Variants in TMEM54 observed in about 807,000 individuals in gnomAD.
TMEM54 encodes beta-casein-like protein.
A neutral mutation model predicts 21.3 loss-of-function variants in TMEM54; 21 were observed. That is an observed-to-expected ratio of 0.99 (90% CI 0.70 to 1.42). TMEM54 has a LOEUF of 1.42. Among genes scored for constraint, TMEM54 ranks in the 40% most tolerant of loss-of-function variants. The pLI is 0.00. For synonymous variants in TMEM54, 109 were observed against 125.0 expected, an observed-to-expected ratio of 0.87 and a Z score of 0.86; for missense variants, 246 against 294.0, an observed-to-expected ratio of 0.84 and a Z score of 1.19.
chr1:32,898,538 G>A, intron 1 of TMEM54: 1 of 496,566 alleles, frequency 2.0e-6, no homozygotes, highest in Admixed American at 3.2e-5. Flanking sequence ...GGCTGGACAA[G>A]CACACAGGTA....
rs576190307 is a variant in TMEM54, at chr1:32,897,800, T to G, written c.210+326A>C. On this transcript the variant is annotated intron_variant, in intron 2 of 5. Transcript: ENST00000373463. This position sits in a 1 kb window ranked among gnomAD's most constrained non-coding sequence, Gnocchi z 4.9. The stretch of plus-strand genomic sequence containing the variant: ...CCTCCTGCTCCTTTCTTCTGTCCAG[T>G]GGTGCTGTGGCTATTCCTCGATGTA... 4.4e-6 allele frequency: 1 copy of G among 225,428 alleles called. No homozygotes were observed. The highest frequency in any genetic ancestry group is 9.1e-5 in the East Asian group (1 of 10,962). 14.0% of individuals were successfully genotyped at this position (225,428 alleles called of 1,614,324 possible).
At chr1:32,900,635 C>G (rs371819335) in intron 1 of TMEM54, among the ~76,000 whole-genome samples, 24 of 152,348 alleles carry the variant, frequency 1.6e-4, no homozygotes, top group African/African-American at 5.3e-4. Flanking sequence ...TACTGTCCCC[C>G]TCTTACAGAC....
chr1:32,900,556 G>C (rs375324617), intron 1 of TMEM54, among the ~76,000 whole-genome samples: 3 of 152,172 alleles, frequency 2.0e-5, no homozygotes, highest in African/African-American at 4.8e-5. Flanking sequence ...CAGCGCAGCC[G>C]GCAAGGTGCT....
intron 5 of TMEM54, 98 bp from the exon 6 acceptor site, chr1:32,894,977 C>A: frequency 1.3e-6 from 2 of 1,526,162 alleles, no homozygotes; most frequent in South Asian, 2.5e-5. Flanking sequence ...GGCTGGAAGG[C>A]TCTCTGGGGG....
In TMEM54 at chr1:32,897,917, C is replaced by T; in HGVS notation, c.210+209G>A. ...TTGTGTGGATGATCTCATCAGTACC[C>T]ATTAGGACCCTCAGAGGTAAACACT... On this transcript the variant is annotated intron_variant, in intron 2 of 5. Coordinates refer to ENST00000373463, the MANE Select transcript of TMEM54 (RefSeq NM_033504.4). The surrounding 1 kb of genome is among the most constrained non-coding windows in gnomAD (Gnocchi z 4.9). The T allele has an allele frequency of 1.9e-6, 1 of 537,976 alleles. No homozygotes were observed. The highest frequency in any genetic ancestry group is 2.9e-5 in the East Asian group (1 of 34,874). 33.3% of individuals were successfully genotyped at this position (537,976 alleles called of 1,614,324 possible).
chr1:32,895,621 G>T lies in TMEM54; in HGVS notation c.393C>A (p.Cys131Ter). The T allele has an allele frequency of 1.3e-6, 2 of 1,573,168 alleles. No individual in the cohort carries two copies. The highest frequency in any genetic ancestry group is 8.6e-7 in the Non-Finnish European group (1 of 1,158,880). The change falls in exon 4 of 6, where the codon TGC becomes TGA. Residue 131 changes from cysteine to a stop codon, truncating the protein, a stop_gained. Transcript: ENST00000373463. LOFTEE classifies it high-confidence loss of function. The surrounding 1 kb of genome is among the most constrained non-coding windows in gnomAD (Gnocchi z 5.8). Reference protein sequence around the residue: ...ATQGKALLAACTFGSSELLAL... With the variant: ...ATQGKALLAA ...CCAGTAGTTCAGAGCTCCCAAAAGT[G>T]CAGGCAGCCAGCAGTGCCTTGCCCT...
rs773695772 is a variant in TMEM54 at position 32,901,248 on chromosome 1, G to T, written c.-10C>A. 4 of 1,438,210 alleles carry T rather than the reference G, an allele frequency of 2.8e-6. No individual in the cohort carries two copies. The highest frequency in any genetic ancestry group is 3.0e-5 in the South Asian group (2 of 67,634). 89.1% of individuals were successfully genotyped at this position (1,438,210 alleles called of 1,614,324 possible). Reference sequence around the variant, plus strand: ...CGAGGCGCAGACACATGTCGGCTCCGCGCTGGTCCCGCCCCCGGCTTCAGC... The same window carrying T: ...CGAGGCGCAGACACATGTCGGCTCCTCGCTGGTCCCGCCCCCGGCTTCAGC... On this transcript the variant is annotated 5_prime_UTR_variant, in exon 1 of 6. Coordinates refer to ENST00000373463, the MANE Select transcript of TMEM54 (RefSeq NM_033504.4). This position sits in a 1 kb window ranked among gnomAD's most constrained non-coding sequence, Gnocchi z 4.2.
In TMEM54 at chr1:32,895,181, G is replaced by T; in HGVS notation, c.594+124C>A. ...CCAGGCCTCTCCCTTTGCTCCTGGG[G>T]AGAAAACTTCTGCCCCATTTCTCAA... On this transcript the variant is annotated intron_variant, in intron 5 of 5. Coordinates refer to ENST00000373463, the MANE Select transcript of TMEM54 (RefSeq NM_033504.4). The surrounding 1 kb of genome is among the most constrained non-coding windows in gnomAD (Gnocchi z 5.8). 7.3e-7 allele frequency: 1 copy of T among 1,376,590 alleles called. No homozygotes were observed. Among genetic ancestry groups the T allele is most frequent in the Non-Finnish European group, 9.7e-7 (1 of 1,029,990 alleles). 85.3% of individuals were successfully genotyped at this position (1,376,590 alleles called of 1,614,324 possible).
Position 32,894,719 on chromosome 1 carries a change from C to A in TMEM54, c.*86G>T. The A allele has an allele frequency of 6.4e-7, 1 of 1,557,904 alleles. No individual in the cohort carries two copies. ...CGAGGGTCCATTGAGCCCTCTCAGG[C>A]CAGCTCCAGGAATCCTGGCCTGGTC... is the stretch of plus-strand genomic sequence containing the variant. On this transcript the variant is annotated 3_prime_UTR_variant, in exon 6 of 6. Transcript: ENST00000373463.
Position 32,895,187 on chromosome 1 carries a change from ACTT to A in TMEM54, c.594+115_594+117del, listed in dbSNP as rs1641555640. On this transcript the variant is annotated intron_variant, in intron 5 of 5. Coordinates refer to ENST00000373463, the MANE Select transcript of TMEM54 (RefSeq NM_033504.4). The surrounding 1 kb of genome is among the most constrained non-coding windows in gnomAD (Gnocchi z 5.8). ...CTCTCCCTTTGCTCCTGGGGAGAAA[ACTT>A]CTGCCCCATTTCTCAAGGTGGGGGC... 5.0e-6 allele frequency: 7 copies of A among 1,392,902 alleles called. No individual in the cohort carries two copies. The South Asian group carries it at 7.5e-5, about 15-fold the overall frequency. 86.3% of individuals were successfully genotyped at this position (1,392,902 alleles called of 1,614,324 possible).
chr1:32,897,862 C>G lies in TMEM54; in HGVS notation c.210+264G>C. On this transcript the variant is annotated intron_variant, in intron 2 of 5. Coordinates refer to ENST00000373463, the MANE Select transcript of TMEM54 (RefSeq NM_033504.4). The surrounding 1 kb of genome is among the most constrained non-coding windows in gnomAD (Gnocchi z 4.9). ...AGCTCACAGTAGTGGGTGCTAACAACATGCCATGCCAGACACTCTGCTAAG... is the reference window on the plus strand; with the variant it reads ...AGCTCACAGTAGTGGGTGCTAACAAGATGCCATGCCAGACACTCTGCTAAG... 2.5e-6 allele frequency: 1 copy of G among 397,710 alleles called. No homozygotes were observed. Among genetic ancestry groups the G allele is most frequent in the East Asian group, 3.8e-5 (1 of 26,572 alleles). The allele number at this position is 397,710 out of a possible 1,614,324, so 24.6% of individuals were successfully genotyped here. A position where few individuals can be genotyped will look rare whatever the true frequency, so the allele number is the denominator to read the frequency against.
rs1026794356 is a variant in TMEM54 at position 32,898,337 on chromosome 1, G to A, written c.17-18C>T. 2 of 1,588,138 alleles carry A rather than the reference G, an allele frequency of 1.3e-6. No individual in the cohort carries two copies. Among genetic ancestry groups the A allele is most frequent in the African/African-American group, 2.7e-5 (2 of 74,548 alleles). ...CAGGCCTCCTGTGGGGGACAGCTATGTCAGGGCTGTGCGTGGGGCTTATCC... is the reference window on the plus strand; with the variant it reads ...CAGGCCTCCTGTGGGGGACAGCTATATCAGGGCTGTGCGTGGGGCTTATCC... On this transcript the variant is annotated intron_variant, in intron 1 of 5. Coordinates refer to ENST00000373463, the MANE Select transcript of TMEM54 (RefSeq NM_033504.4).
chr1:32,896,088 C>G lies in TMEM54; in HGVS notation c.211-119G>C, dbSNP rs1207585216. ...CCAACCATTGCCCTCCAGACTCCCC[C>G]ACCCCTCACCTGCTGCTTAGCCTGG... On this transcript the variant is annotated intron_variant, in intron 2 of 5. Coordinates refer to ENST00000373463, the MANE Select transcript of TMEM54 (RefSeq NM_033504.4). The surrounding 1 kb of genome is among the most constrained non-coding windows in gnomAD (Gnocchi z 4.1). 1.9e-6 allele frequency: 2 copies of G among 1,039,696 alleles called. No homozygotes were observed. Among genetic ancestry groups the G allele is most frequent in the Non-Finnish European group, 1.4e-6 (1 of 726,170 alleles). The allele number at this position is 1,039,696 out of a possible 1,614,324, so 64.4% of individuals were successfully genotyped here. A position where few individuals can be genotyped will look rare whatever the true frequency, so the allele number is the denominator to read the frequency against.
intron 5 of TMEM54, 114 bp from the exon 6 acceptor site, chr1:32,894,993 G>A: frequency 2.0e-6 from 3 of 1,498,490 alleles, no homozygotes; most frequent in Middle Eastern, 2.2e-4. Context: ...GGGGGCAAAG[G>A]GGCATCACTA....
Position 32,897,071 on chromosome 1 carries a change from T to G in TMEM54, c.210+1055A>C, listed in dbSNP as rs576837070. On this transcript the variant is annotated intron_variant, in intron 2 of 5. Coordinates refer to ENST00000373463, the MANE Select transcript of TMEM54 (RefSeq NM_033504.4). The surrounding 1 kb of genome is among the most constrained non-coding windows in gnomAD (Gnocchi z 4.9). Reference sequence around the variant, plus strand: ...AAGGCTGAAGTGGTCCAGCTCAAAGTCCATCCTGGTGGACCTCCTCGCCCT... The same window carrying G: ...AAGGCTGAAGTGGTCCAGCTCAAAGGCCATCCTGGTGGACCTCCTCGCCCT... Among the ~76,000 whole-genome samples the G allele has an allele frequency of 1.5e-4, 23 of 152,286 alleles. No individual in the cohort carries two copies. Among genetic ancestry groups the G allele is most frequent in the Admixed American group, 8.5e-4 (13 of 15,292 alleles).
chr1:32,897,972 G>A lies in TMEM54; in HGVS notation c.210+154C>T. On this transcript the variant is annotated intron_variant, in intron 2 of 5. Transcript: ENST00000373463. The surrounding 1 kb of genome is among the most constrained non-coding windows in gnomAD (Gnocchi z 4.9). ...CCATCTCCATTTGATAGATGAAGAA[G>A]TTGAGTGACTTGGGCAGTTGGTAAG... 2 of 647,068 alleles carry A rather than the reference G, an allele frequency of 3.1e-6. No individual in the cohort carries two copies. The highest frequency in any genetic ancestry group is 2.2e-5 in the South Asian group (1 of 45,332). The allele number at this position is 647,068 out of a possible 1,614,324, so 40.1% of individuals were successfully genotyped here.
In TMEM54 at chr1:32,895,371, G is replaced by A; in HGVS notation, c.528C>T (p.Arg176=). Residue 176 remains arginine, a synonymous_variant, in exon 5 of 6, where the codon CGC becomes CGT. Transcript: ENST00000373463. This position sits in a 1 kb window ranked among gnomAD's most constrained non-coding sequence, Gnocchi z 5.8. ...LCVAENVFAV[R]CAQLTHQLLE... ...GCAGCTGGTGGGTGAGCTGAGCACA[G>A]CGTACAGCAAACACGTTCTCCGCCA... 6.2e-7 allele frequency: 1 copy of A among 1,614,108 alleles called. No individual in the cohort carries two copies. The highest frequency in any genetic ancestry group is 8.5e-7 in the Non-Finnish European group (1 of 1,179,974).
At position 32,898,000 on chromosome 1, in the gene TMEM54, G is replaced by A; in HGVS notation, c.210+126C>T. Reference sequence around the variant, plus strand: ...GAGTGACTTGGGCAGTTGGTAAGTGGCAGACAAAGGGTTAGTCCTTGAGGC... The same window carrying A: ...GAGTGACTTGGGCAGTTGGTAAGTGACAGACAAAGGGTTAGTCCTTGAGGC... On this transcript the variant is annotated intron_variant, in intron 2 of 5. Transcript: ENST00000373463. The surrounding 1 kb of genome is among the most constrained non-coding windows in gnomAD (Gnocchi z 4.9). The A allele has an allele frequency of 1.2e-6, 1 of 836,802 alleles. No individual in the cohort carries two copies. Among genetic ancestry groups the A allele is most frequent in the Non-Finnish European group, 1.9e-6 (1 of 539,230 alleles). The allele number at this position is 836,802 out of a possible 1,614,324, so 51.8% of individuals were successfully genotyped here.
At chr1:32,898,092 C>T (rs771833173) in intron 2 of TMEM54, 34 bp downstream of exon 2, 1 of 1,569,686 alleles carries the variant, frequency 6.4e-7, no homozygotes, top group South Asian at 1.2e-5. Flanking sequence ...CCTCCAGCCT[C>T]CTCCCACCAA....
Sources: gnomAD v4.1 joint callset for allele counts (sites outside exome capture counted in the v4.1 genomes callset) on GRCh38, gnomAD v4.1.1 for gene constraint, Gnocchi (gnomAD v3.1) non-coding constraint, MANE v1.5 for transcripts, NCBI Gene and HGNC (gene_info 2026-07-23, HGNC 2026-07-21) for gene names.